The following DENND1B variants were observed in gnomAD, a reference collection of about 807,000 sequenced individuals.
The protein encoded by DENND1B is DENN domain containing 1B.
DENND1B carries 59 observed loss-of-function variants against 90.1 expected under a neutral mutation model. The ratio of observed to expected loss-of-function variants is 0.65; its 90% CI spans 0.53 to 0.81. The LOEUF (loss-of-function observed/expected upper bound fraction) is 0.81. Among genes scored for constraint, DENND1B ranks in the 40% least tolerant of loss-of-function variants. DENND1B has a pLI of 0.00. For synonymous variants in DENND1B, 337 were observed against 324.6 expected (o/e 1.04, Z -0.41); for missense variants, 862 against 912.6 (o/e 0.94, Z 0.71).
intron 2 of DENND1B, among the ~76,000 whole-genome samples, chr1:197,732,659 A>C (rs1662256633): frequency 6.6e-6 from 1 of 152,216 alleles, no homozygotes. Context: ...AATACATCCA[A>C]GCAAGAAGCC....
intron 15 of DENND1B, among the ~76,000 whole-genome samples, chr1:197,571,314 C>T (rs1378565636): frequency 6.6e-6 from 1 of 152,230 alleles, no homozygotes; most frequent in Non-Finnish European, 1.5e-5. Flanking sequence ...CTTATGCCTT[C>T]AAAGCCTTGT....
chr1:197,746,652 G>C, intron 2 of DENND1B: 1 of 686,070 alleles, frequency 1.5e-6, no homozygotes, highest in Non-Finnish European at 2.6e-6. Flanking sequence ...TTTTGTTCTA[G>C]TGCTATCAAT....
intron 3 of DENND1B, among the ~76,000 whole-genome samples, chr1:197,691,260 CA>C (rs35506280): frequency 0.039 from 4,193 of 108,434 alleles, 109 homozygotes; most frequent in African/African-American, 0.096. Flanking sequence ...AACTTAACAG[CA>C]AAAAAAAAAA....
chr1:197,612,229 C>A (rs1677245725), intron 11 of DENND1B, among the ~76,000 whole-genome samples: 1 of 150,220 alleles, frequency 6.7e-6, no homozygotes, highest in South Asian at 2.1e-4. Context: ...AGTTATAATG[C>A]CTAAAAAGTT....
chr1:197,593,797 A>G (rs965761202), intron 14 of DENND1B, among the ~76,000 whole-genome samples: 3 of 152,150 alleles, frequency 2.0e-5, no homozygotes, highest in African/African-American at 7.2e-5. Context: ...GTACTTAAAT[A>G]TGTCAAAATT....
intron 2 of DENND1B, among the ~76,000 whole-genome samples, chr1:197,770,504 T>C (rs1656297510): frequency 6.6e-6 from 1 of 151,694 alleles, no homozygotes; most frequent in East Asian, 1.9e-4. Flanking sequence ...TTGGGTGTTA[T>C]ATAAGGCAAA....
intron 20 of DENND1B, among the ~76,000 whole-genome samples, chr1:197,531,326 A>T (rs1231500190): frequency 6.6e-6 from 1 of 152,214 alleles, no homozygotes; most frequent in Non-Finnish European, 1.5e-5. Context: ...AGATTACAAA[A>T]ATCACAAAGG....
chr1:197,630,367 T>A (rs1679218494), intron 10 of DENND1B, among the ~76,000 whole-genome samples: 1 of 152,056 alleles, frequency 6.6e-6, no homozygotes, highest in Non-Finnish European at 1.5e-5. Flanking sequence ...TGGCACCTTG[T>A]TACTGCATCC....
intron 2 of DENND1B, chr1:197,761,808 G>A (rs1655085752): frequency 6.6e-6 from 1 of 151,608 alleles, no homozygotes; most frequent in Non-Finnish European, 1.5e-5. Context: ...TCAGATTCGA[G>A]TGATAATTAA....
At chr1:197,766,477 GT>G (rs1349748572) in intron 2 of DENND1B, among the ~76,000 whole-genome samples, 14 of 152,276 alleles carry the variant, frequency 9.2e-5, no homozygotes, top group Non-Finnish European at 1.9e-4. Context: ...TTAGAGTTTT[GT>G]TGGGTTTTAG....
chr1:197,746,059 A>C (rs1038110926), intron 2 of DENND1B, among the ~76,000 whole-genome samples: 1 of 152,198 alleles, frequency 6.6e-6, no homozygotes, highest in Admixed American at 6.5e-5. Flanking sequence ...AATCTTAAAA[A>C]CACAGTACCA....
chr1:197,600,160 C>G (rs1317870885), intron 13 of DENND1B, among the ~76,000 whole-genome samples: 1 of 151,784 alleles, frequency 6.6e-6, no homozygotes, highest in Non-Finnish European at 1.5e-5. Flanking sequence ...CCACAAAAGG[C>G]TGATCTGAGA....
intron 20 of DENND1B, among the ~76,000 whole-genome samples, chr1:197,531,083 C>T (rs906361107): frequency 6.6e-6 from 1 of 152,126 alleles, no homozygotes; most frequent in Non-Finnish European, 1.5e-5. Flanking sequence ...ATTTATTAGT[C>T]TCCATTTGTT....
intron 17 of DENND1B, 67 bp from the exon 18 acceptor site, chr1:197,546,057 T>G: frequency 7.6e-7 from 1 of 1,316,012 alleles, no homozygotes; most frequent in Non-Finnish European, 1.1e-6. Context: ...AACAAAGTAT[T>G]ACAGTAAGTT....
At chr1:197,561,578 T>C (rs902616439) in intron 15 of DENND1B, among the ~76,000 whole-genome samples, 1 of 151,848 alleles carries the variant, frequency 6.6e-6, no homozygotes, top group African/African-American at 2.4e-5. Context: ...AAAATGTATA[T>C]ACCTCCAGTC....
At position 197,507,159 on chromosome 1, in the gene DENND1B, A is replaced by G. The variant is rs1667767267; in HGVS notation, c.*3301T>C. On this transcript the variant is annotated 3_prime_UTR_variant, in exon 23 of 23. Coordinates refer to ENST00000620048, the MANE Select transcript of DENND1B (RefSeq NM_001195215.2). The stretch of plus-strand genomic sequence containing the variant: ...CTTCCAGGCAAAACACATTATTATT[A>G]TTATTATTATTATTATTATTATTAT... 1.3e-3 allele frequency: 1 copy of G among 752 alleles called. No individual in the cohort carries two copies. Among genetic ancestry groups the G allele is most frequent in the African/African-American group, 1.5e-3 (1 of 686 alleles). 0.0% of individuals were successfully genotyped at this position (752 alleles called of 1,614,324 possible).
chr1:197,520,742 T>C (rs1668715224), intron 20 of DENND1B, among the ~76,000 whole-genome samples: 1 of 151,962 alleles, frequency 6.6e-6, no homozygotes, highest in African/African-American at 2.4e-5. Context: ...AAGTTTTATA[T>C]CATTCTGATA....
At chr1:197,513,358 C>T (rs1263133889) in intron 20 of DENND1B, among the ~76,000 whole-genome samples, 2 of 151,628 alleles carry the variant, frequency 1.3e-5, no homozygotes, top group Non-Finnish European at 3.0e-5. Flanking sequence ...CACTCTCTTC[C>T]ACCCCAAGTA....
chr1:197,541,123 T>C (rs1388533302), intron 18 of DENND1B, 108 bp from the exon 19 acceptor site: 1 of 1,002,528 alleles, frequency 1.0e-6, no homozygotes, highest in Non-Finnish European at 1.5e-6. Flanking sequence ...TCATATGATT[T>C]AGAAAAAGAA....
Sources: gnomAD v4.1 joint callset for allele counts (sites outside exome capture counted in the v4.1 genomes callset) on GRCh38, gnomAD v4.1.1 for gene constraint, MANE v1.5 for transcripts, NCBI Gene and HGNC (gene_info 2026-07-23, HGNC 2026-07-21) for gene names.